SLC3A2: variants seen among roughly 807,000 people sequenced by gnomAD.
The protein encoded by SLC3A2 is amino acid transporter heavy chain SLC3A2.
SLC3A2 carries 32 observed loss-of-function variants against 48.5 expected under a neutral mutation model. The ratio of observed to expected loss-of-function variants is 0.66; its 90% CI spans 0.50 to 0.89. SLC3A2 has a LOEUF of 0.89. Ranked by LOEUF, SLC3A2 falls within the 40% of genes least tolerant of loss-of-function variation. The probability of loss-of-function intolerance (pLI) is 0.00; values close to 1 mark genes in which losing one functional copy is unlikely to be tolerated. For synonymous variants in SLC3A2, 277 were observed against 288.8 expected (o/e 0.96, Z 0.41); for missense variants, 587 against 680.7 (o/e 0.86, Z 1.53).
chr11:62,871,645 G>T, intron 1 of SLC3A2: 1 of 662,844 alleles, frequency 1.5e-6, no homozygotes. Flanking sequence ...TCCTGCCTTA[G>T]CTTCCAAGAA....
rs1163857376 is a variant in SLC3A2, at chr11:62,881,041, G to A, written c.18G>A (p.Glu6=). The A allele has an allele frequency of 4.4e-6, 7 of 1,578,986 alleles. No homozygotes were observed. The highest frequency in any genetic ancestry group is 6.0e-6 in the Non-Finnish European group (7 of 1,159,762). MSQDT[E]VDMKEVELNE... ...CAGGCACCATGAGCCAGGACACCGA[G>A]GTGGATATGAAGGAGGTGGAGCTGA... is the stretch of plus-strand genomic sequence containing the variant. The change falls in exon 1 of 9, where the codon GAG becomes GAA. Residue 6 remains glutamate (E), a synonymous_variant. Transcript: ENST00000338663. This position sits in a 1 kb window ranked among gnomAD's most constrained non-coding sequence, Gnocchi z 4.0.
intron 1 of SLC3A2, among the ~76,000 whole-genome samples, chr11:62,868,885 A>T (rs1184833085): frequency 6.6e-6 from 1 of 151,802 alleles, no homozygotes; most frequent in African/African-American, 2.4e-5. Context: ...ATTCTTTTGT[A>T]TATCTAATTT....
rs568415414 is a variant in SLC3A2, at chr11:62,887,548, C to G, written c.1144-587C>G. Among the ~76,000 whole-genome samples, 137 of 152,030 alleles carry G rather than the reference C, an allele frequency of 9.0e-4. 1 individual carries two copies. The highest frequency in any genetic ancestry group is 3.1e-3 in the African/African-American group (129 of 41,488). On this transcript the variant is annotated intron_variant, in intron 7 of 8. Coordinates refer to ENST00000338663, the MANE Select transcript of SLC3A2 (RefSeq NM_001013251.3). ...TGAAACCCCGTCTTTACTAAAAATACAAAAAAATTAGCTGGGTGTGGTGGT... is the reference window on the plus strand; with the variant it reads ...TGAAACCCCGTCTTTACTAAAAATAGAAAAAAATTAGCTGGGTGTGGTGGT...
At chr11:62,866,497 G>A (rs551016389) in intron 1 of SLC3A2, among the ~76,000 whole-genome samples, 146 of 152,096 alleles carry the variant, frequency 9.6e-4, no homozygotes, top group African/African-American at 2.8e-3. Flanking sequence ...CTGGGTCCAA[G>A]CTACTCTCGT....
In SLC3A2 at chr11:62,881,688, C is replaced by G; in HGVS notation, c.425-205C>G. ...GACTCAGCGTCCTCCTTCCCCGCGG[C>G]GCCAGAAGCCAGTTGCAACCGGTTT... On this transcript the variant is annotated intron_variant, in intron 1 of 8. Transcript: ENST00000338663. This position sits in a 1 kb window ranked among gnomAD's most constrained non-coding sequence, Gnocchi z 4.0. 1.2e-6 allele frequency: 1 copy of G among 834,426 alleles called. No homozygotes were observed. 51.7% of individuals were successfully genotyped at this position (834,426 alleles called of 1,614,324 possible). A position where few individuals can be genotyped will look rare whatever the true frequency, so the allele number is the denominator to read the frequency against.
rs1218427963 is a variant in SLC3A2, at chr11:62,867,312, CTTTTCTTTTCTTTTTTTT to C, written c.112+10936_112+10953del. 7.8e-5 allele frequency among the ~76,000 whole-genome samples: 8 copies of C among 102,206 alleles called. No homozygotes were observed. In the South Asian group the frequency reaches 2.7e-3, roughly 35 times the overall value. 67.1% of individuals were successfully genotyped at this position (102,206 alleles called of 152,430 possible). A position where few individuals can be genotyped will look rare whatever the true frequency, so the allele number is the denominator to read the frequency against. ...TGGCCTATTTCCCTTTATTCTTTCT[CTTTTCTTTTCTTTTTTTT>C]TTTTTTTTTTTTTTGATACAGAGTC... On this transcript the variant is annotated intron_variant, in intron 1 of 9. Coordinates refer to the SLC3A2 transcript ENST00000377889.
At position 62,881,451 on chromosome 11, in the gene SLC3A2, AGT is replaced by A. The variant is rs1438660921; in HGVS notation, c.424+6_424+7del. 3 of 1,575,194 alleles carry A rather than the reference AGT, an allele frequency of 1.9e-6. No individual in the cohort carries two copies. The Admixed American group carries it at 5.2e-5, about 27-fold the overall frequency. On this transcript the variant is annotated splice_donor_5th_base_variant and intron_variant, in intron 1 of 8. Coordinates refer to ENST00000338663, the MANE Select transcript of SLC3A2 (RefSeq NM_001013251.3). This position sits in a 1 kb window ranked among gnomAD's most constrained non-coding sequence, Gnocchi z 4.0. ...CACGGCGCGGGCAACCTGGCGGGTG[AGT>A]GCAGCGCGCCCCCGTCCCGGGTACC...
At chr11:62,879,707 G>A (rs1028269290), upstream of SLC3A2, among the ~76,000 whole-genome samples, 2 of 152,232 alleles carry the variant, frequency 1.3e-5, no homozygotes, top group East Asian at 3.8e-4. Context: ...GCCTAGGTGG[G>A]AAAGGGAGAA....
At chr11:62,878,632 ATTT>A (rs1048433687), upstream of SLC3A2, among the ~76,000 whole-genome samples, 3 of 113,008 alleles carry the variant, frequency 2.7e-5, no homozygotes, top group Non-Finnish European at 1.8e-5. Flanking sequence ...CGCCTGGCTG[ATTT>A]TTTTTTTTTT....
At chr11:62,882,317 T>C (rs1269687457) in intron 2 of SLC3A2, 2 of 466,228 alleles carry the variant, frequency 4.3e-6, no homozygotes, top group Non-Finnish European at 7.8e-6. Context: ...AATATAGATA[T>C]TTACTAAACC....
intron 1 of SLC3A2, chr11:62,871,767 G>A (rs2134991413): frequency 2.4e-6 from 1 of 410,568 alleles, no homozygotes; most frequent in Non-Finnish European, 4.3e-6. Context: ...ACTATTCTCT[G>A]CCCTTTTCTC....
intron 7 of SLC3A2, 120 bp downstream of exon 7, chr11:62,885,728 G>A (rs2085705245): frequency 3.7e-6 from 4 of 1,085,880 alleles, no homozygotes; most frequent in East Asian, 4.8e-5. Flanking sequence ...TTCTTAGTCA[G>A]TAGCTGAGTG....
rs771551841 is a variant in SLC3A2 at position 62,882,051 on chromosome 11, TCGGC to T, written c.584_587del (p.Ser195LeufsTer34). The T allele has an allele frequency of 6.2e-7, 1 of 1,613,894 alleles. No homozygotes were observed. Among genetic ancestry groups the T allele is most frequent in the Non-Finnish European group, 8.5e-7 (1 of 1,179,992 alleles). Reference sequence around the variant, plus strand: ...GGAAGATTTTGACAGTCTCTTGCAATCGGCTAAAAAAAAGAGTGGGTATCCTGGG... The same window carrying T: ...GGAAGATTTTGACAGTCTCTTGCAATTAAAAAAAAGAGTGGGTATCCTGGG... On this transcript the variant is annotated frameshift_variant, in exon 2 of 9. Coordinates refer to ENST00000338663, the MANE Select transcript of SLC3A2 (RefSeq NM_001013251.3). LOFTEE classifies it high-confidence loss of function.
chr11:62,878,114 G>A (rs376991731), upstream of SLC3A2, among the ~76,000 whole-genome samples: 1 of 151,444 alleles, frequency 6.6e-6, no homozygotes, highest in East Asian at 1.9e-4. Flanking sequence ...AGCTGAGATC[G>A]CGCCACTGCA....
intron 1 of SLC3A2, chr11:62,870,855 A>ATT (rs1555018799): frequency 1.6e-3 from 222 of 134,832 alleles, no homozygotes; most frequent in Admixed American, 9.8e-3. Context: ...TAATAATAAT[A>ATT]ATTATTATTA....
At chr11:62,880,854 G>C (rs572159966), upstream of SLC3A2, 1 of 1,380,236 alleles carries the variant, frequency 7.2e-7, no homozygotes, top group African/African-American at 1.5e-5. Flanking sequence ...GCCGGGGCGG[G>C]GCTCCGCTGC....
chr11:62,883,337 C>T (rs533157962), intron 3 of SLC3A2: 5 of 289,162 alleles, frequency 1.7e-5, no homozygotes, highest in Admixed American at 4.6e-5. Context: ...ACTGGTTTCC[C>T]AGTTCTTGTT....
chr11:62,880,744 T>C, upstream of SLC3A2: 1 of 452,988 alleles, frequency 2.2e-6, no homozygotes, highest in Non-Finnish European at 3.9e-6. Context: ...GATGAGAAAT[T>C]GGACCATGCA....
chr11:62,883,080 G>A, intron 3 of SLC3A2, 81 bp downstream of exon 3: 3 of 1,314,770 alleles, frequency 2.3e-6, no homozygotes, highest in Admixed American at 1.7e-5. Flanking sequence ...TGTAGACCCA[G>A]CCTGACTCCA....
Sources: allele counts gnomAD v4.1 joint callset (sites outside exome capture counted in the v4.1 genomes callset), GRCh38; gene constraint gnomAD v4.1.1; non-coding constraint Gnocchi (gnomAD v3.1); transcripts MANE v1.5; gene names NCBI Gene and HGNC (gene_info 2026-07-23, HGNC 2026-07-21).